GRM5: variants seen among roughly 807,000 people sequenced by gnomAD.
GRM5 encodes metabotropic glutamate receptor 5.
A neutral mutation model predicts 83.1 loss-of-function variants in GRM5; 19 were observed. That is an observed-to-expected ratio of 0.23 (90% CI 0.16 to 0.34). The LOEUF (loss-of-function observed/expected upper bound fraction) is 0.34. Among genes scored for constraint, GRM5 ranks in the 10% least tolerant of loss-of-function variants. GRM5 has a pLI of 1.00. For missense variants in GRM5, 1,160 were observed against 1,588.3 expected (o/e 0.73, Z 4.58); for synonymous variants, 675 against 633.6 (o/e 1.07, Z -0.98).
Position 88,894,263 on chromosome 11 carries a change from G to A in GRM5, c.662-44108C>T, listed in dbSNP as rs1325117443. 3.3e-5 allele frequency among the ~76,000 whole-genome samples: 5 copies of A among 152,026 alleles called. No homozygotes were observed. In the East Asian group the frequency reaches 7.7e-4, roughly 24 times the overall value. On this transcript the variant is annotated intron_variant, in intron 2 of 9. Coordinates refer to ENST00000305447, the MANE Select transcript of GRM5 (RefSeq NM_001143831.3). The stretch of plus-strand genomic sequence containing the variant: ...ATAAGCCCTGTGTAAATCAGACACC[G>A]CCACCTCAAACTGGACTACAAAATT...
intron 3 of GRM5, among the ~76,000 whole-genome samples, chr11:88,849,666 T>G (rs911975378): frequency 5.9e-5 from 9 of 152,208 alleles, no homozygotes; most frequent in Non-Finnish European, 1.3e-4. Context: ...GTCATGGTTT[T>G]TAGGACTTAA....
chr11:88,917,871 G>A (rs2135622492), intron 2 of GRM5, among the ~76,000 whole-genome samples: 1 of 152,084 alleles, frequency 6.6e-6, no homozygotes, highest in South Asian at 2.1e-4. Context: ...AGAGTTATTG[G>A]CCTTAAATAG....
chr11:88,570,682 C>A (rs1490602197), intron 7 of GRM5, among the ~76,000 whole-genome samples: 1 of 143,842 alleles, frequency 7.0e-6, no homozygotes, highest in Non-Finnish European at 1.5e-5. Flanking sequence ...CGAGTTCAAG[C>A]GATTCTTGTG....
At position 88,734,310 on chromosome 11, in the gene GRM5, T is replaced by C. The variant is rs189663410; in HGVS notation, c.912-80907A>G. On this transcript the variant is annotated intron_variant, in intron 3 of 9. Coordinates refer to ENST00000305447, the MANE Select transcript of GRM5 (RefSeq NM_001143831.3). ...ATAAGATATCATCTCACACCTGTTA[T>C]TATTATGTTTTAAAAAGATAAGTGT... Among the ~76,000 whole-genome samples the C allele has an allele frequency of 2.8e-3, 433 of 152,100 alleles. 1 individual carries two copies. The highest frequency in any genetic ancestry group is 9.9e-3 in the African/African-American group (413 of 41,524).
intron 8 of GRM5, among the ~76,000 whole-genome samples, chr11:88,543,842 A>G (rs1942328923): frequency 6.6e-6 from 1 of 152,126 alleles, no homozygotes; most frequent in Admixed American, 6.6e-5. Context: ...TCTAGCCCAT[A>G]GCAGATAACA....
At chr11:88,900,951 C>T (rs1277221438) in intron 2 of GRM5, among the ~76,000 whole-genome samples, 1 of 152,128 alleles carries the variant, frequency 6.6e-6, no homozygotes, top group African/African-American at 2.4e-5. Context: ...ACTACAACTT[C>T]GATCCCATAT....
chr11:88,565,392 C>T (rs1056248019), intron 8 of GRM5, among the ~76,000 whole-genome samples: 1 of 152,146 alleles, frequency 6.6e-6, no homozygotes, highest in Non-Finnish European at 1.5e-5. Flanking sequence ...GCTAGGCAGC[C>T]AGTGTTCTCT....
At chr11:88,719,974 A>G (rs1461991355) in intron 3 of GRM5, among the ~76,000 whole-genome samples, 2 of 152,096 alleles carry the variant, frequency 1.3e-5, no homozygotes, top group African/African-American at 4.8e-5. Flanking sequence ...GACCTTTGTC[A>G]GATACATAGT....
In GRM5 at chr11:88,567,755, T is replaced by C. The variant is rs1341886080; in HGVS notation, c.1928A>G (p.Tyr643Cys). Residue 643 changes from tyrosine (Y) to cysteine (C), a missense_variant, in exon 8 of 10, where the codon TAC becomes TGC. By Grantham distance (194) the Tyr-to-Cys change is radical. Coordinates refer to ENST00000305447, the MANE Select transcript of GRM5 (RefSeq NM_001143831.3). The surrounding 1 kb of genome is among the most constrained non-coding windows in gnomAD (Gnocchi z 7.3). ...FCLIAKPKQI[Y>C]CYLQRIGIGL... ...AATGCCAATTCTCTGAAGGTAGCAGTAAATCTGTTTGGGCTTCGCAATGAG... is the reference window on the plus strand; with the variant it reads ...AATGCCAATTCTCTGAAGGTAGCAGCAAATCTGTTTGGGCTTCGCAATGAG... 1 of 1,614,008 alleles carries C rather than the reference T, an allele frequency of 6.2e-7. No individual in the cohort carries two copies. Among genetic ancestry groups the C allele is most frequent in the Non-Finnish European group, 8.5e-7 (1 of 1,179,936 alleles).
At chr11:88,947,163 C>T (rs372175283) in intron 2 of GRM5, among the ~76,000 whole-genome samples, 27 of 152,106 alleles carry the variant, frequency 1.8e-4, no homozygotes, top group African/African-American at 6.3e-4. Context: ...AAAAAGATTC[C>T]CTTTTACTGT....
At chr11:88,890,431 C>T (rs1041157322) in intron 2 of GRM5, among the ~76,000 whole-genome samples, 1 of 152,092 alleles carries the variant, frequency 6.6e-6, no homozygotes, top group Non-Finnish European at 1.5e-5. Context: ...AAAACTCTTA[C>T]AAGTGCTGAA....
At chr11:89,054,169 G>T (rs1941822327) in intron 1 of GRM5, among the ~76,000 whole-genome samples, 1 of 152,192 alleles carries the variant, frequency 6.6e-6, no homozygotes, top group Admixed American at 6.5e-5. Flanking sequence ...AGGTGAGAGA[G>T]ATGATAGTCG....
intron 2 of GRM5, among the ~76,000 whole-genome samples, chr11:88,989,374 A>C (rs1939874321): frequency 7.4e-6 from 1 of 134,874 alleles, no homozygotes; most frequent in Non-Finnish European, 1.6e-5. Flanking sequence ...GTCCTGAGTG[A>C]CCTACAAAGA....
intron 2 of GRM5, among the ~76,000 whole-genome samples, chr11:88,976,613 G>A (rs1939345697): frequency 6.6e-6 from 1 of 152,060 alleles, no homozygotes; most frequent in African/African-American, 2.4e-5. Context: ...ATTTGAGGAG[G>A]AGGTTGATGA....
At chr11:88,943,768 T>C (rs1366821293) in intron 2 of GRM5, among the ~76,000 whole-genome samples, 2 of 152,070 alleles carry the variant, frequency 1.3e-5, no homozygotes, top group African/African-American at 4.8e-5. Flanking sequence ...ATCATTCATA[T>C]ATCCAGATTT....
intron 3 of GRM5, among the ~76,000 whole-genome samples, chr11:88,759,592 C>G (rs1353360944): frequency 6.6e-6 from 1 of 152,064 alleles, no homozygotes; most frequent in Non-Finnish European, 1.5e-5. Context: ...TCTTAGGGAC[C>G]TACAAAGGGA....
At chr11:88,633,626 G>A (rs1939040634) in intron 4 of GRM5, among the ~76,000 whole-genome samples, 2 of 152,152 alleles carry the variant, frequency 1.3e-5, no homozygotes, top group Admixed American at 1.3e-4. Context: ...GGCCTCTCGA[G>A]TAGCTGGGAC....
chr11:88,921,946 C>T (rs1281610600), intron 2 of GRM5, among the ~76,000 whole-genome samples: 1 of 150,818 alleles, frequency 6.6e-6, no homozygotes, highest in Non-Finnish European at 1.5e-5. Flanking sequence ...TATATGCCAA[C>T]AGTGAAAAAT....
intron 8 of GRM5, among the ~76,000 whole-genome samples, chr11:88,559,042 G>A (rs2135158618): frequency 6.6e-6 from 1 of 151,922 alleles, no homozygotes; most frequent in African/African-American, 2.4e-5. Flanking sequence ...CTCAATTCCT[G>A]TAAAAATATT....
Sources: allele counts gnomAD v4.1 joint callset (sites outside exome capture counted in the v4.1 genomes callset), GRCh38; gene constraint gnomAD v4.1.1; non-coding constraint Gnocchi (gnomAD v3.1); transcripts MANE v1.5; gene names NCBI Gene and HGNC (gene_info 2026-07-23, HGNC 2026-07-21).